CTTNBP2: variants seen among roughly 807,000 people sequenced by gnomAD.
CTTNBP2 encodes cortactin-binding protein 2.
A neutral mutation model predicts 156.9 loss-of-function variants in CTTNBP2; 108 were observed. The ratio of observed to expected loss-of-function variants is 0.69; its 90% CI spans 0.59 to 0.81. The LOEUF (loss-of-function observed/expected upper bound fraction) is 0.81, where lower values mean the gene tolerates loss of function less well. Ranked by LOEUF, CTTNBP2 falls within the 30% of genes least tolerant of loss-of-function variation. The pLI, the probability that CTTNBP2 is intolerant of heterozygous loss-of-function variation, is 0.00. For synonymous variants in CTTNBP2, 767 were observed against 751.8 expected, an observed-to-expected ratio of 1.02 and a Z score of -0.33; for missense variants, 1,924 against 2,035.4, an observed-to-expected ratio of 0.95 and a Z score of 1.05.
chr7:117,719,707 C>T, intron 20 of CTTNBP2, 71 bp from the exon 21 acceptor site: 1 of 1,343,916 alleles, frequency 7.4e-7, no homozygotes, highest in Non-Finnish European at 1.0e-6. Flanking sequence ...AGACACTGTA[C>T]CTTTTTTGGG....
Position 117,796,598 on chromosome 7 carries a change from T to C in CTTNBP2, c.415-3817A>G, listed in dbSNP as rs144004547. 2.6e-3 allele frequency among the ~76,000 whole-genome samples: 395 copies of C among 152,362 alleles called. 6 individuals are homozygous for C. The highest frequency in any genetic ancestry group is 9.2e-3 in the African/African-American group (382 of 41,594). On this transcript the variant is annotated intron_variant, in intron 3 of 22. Coordinates refer to ENST00000160373, the MANE Select transcript of CTTNBP2 (RefSeq NM_033427.3). ...GTATGATCCTAATTATGTTATTTTATGGTTTTAAATAAGACAACACGTGTA... is the reference window on the plus strand; with the variant it reads ...GTATGATCCTAATTATGTTATTTTACGGTTTTAAATAAGACAACACGTGTA...
chr7:117,792,943 A>G lies in CTTNBP2; in HGVS notation c.415-162T>C, dbSNP rs1799116283. On this transcript the variant is annotated intron_variant, in intron 3 of 22. Transcript: ENST00000160373. The surrounding 1 kb of genome is among the most constrained non-coding windows in gnomAD (Gnocchi z 4.2). ...AGTGTTGTGATAAGAAATATTTTAA[A>G]GACACATTAAAATGAGAAAATAGAC... Among the ~76,000 whole-genome samples, 1 of 152,246 alleles carries G rather than the reference A, an allele frequency of 6.6e-6. No homozygotes were observed. The highest frequency in any genetic ancestry group is 6.5e-5 in the Admixed American group (1 of 15,292).
chr7:117,873,251 C>G, intron 1 of CTTNBP2, 84 bp downstream of exon 1: 1 of 1,077,658 alleles, frequency 9.3e-7, no homozygotes, highest in Non-Finnish European at 1.2e-6. Context: ...CCCGGGGGTG[C>G]GAAGTCGGGT....
intron 9 of CTTNBP2, among the ~76,000 whole-genome samples, chr7:117,762,602 T>C (rs550001593): frequency 6.6e-6 from 1 of 152,214 alleles, no homozygotes; most frequent in South Asian, 2.1e-4. Flanking sequence ...ACCATATGCA[T>C]GTACTAACAG....
intron 8 of CTTNBP2, among the ~76,000 whole-genome samples, chr7:117,768,766 G>C (rs1253900508): frequency 3.3e-5 from 5 of 152,088 alleles, no homozygotes; most frequent in Non-Finnish European, 7.4e-5. Context: ...TTAGAGATTG[G>C]TTTGGTCTAT....
At chr7:117,754,504 C>A (rs1479182163) in intron 12 of CTTNBP2, among the ~76,000 whole-genome samples, 1 of 152,112 alleles carries the variant, frequency 6.6e-6, no homozygotes, top group Non-Finnish European at 1.5e-5. Context: ...AAGAGGCTCT[C>A]AATAAACAGT....
rs1584918727 is a variant in CTTNBP2, at chr7:117,735,081, A to G, written c.3708T>C (p.Cys1236=). The part of the protein sequence containing the change: ...TFQKGNGLSE[C]YYFHENCFLM... ...GAAAGCAGTTCTCATGAAAGTAATA[A>G]CATTCGGACAGTCCATTTCCTGAAA... is the stretch of plus-strand genomic sequence containing the variant. The change falls in exon 16 of 23, where the codon TGT becomes TGC. Residue 1236 remains cysteine (C), a synonymous_variant. Coordinates refer to ENST00000160373, the MANE Select transcript of CTTNBP2 (RefSeq NM_033427.3). 1.9e-6 allele frequency: 3 copies of G among 1,613,010 alleles called. No homozygotes were observed. The highest frequency in any genetic ancestry group is 2.5e-6 in the Non-Finnish European group (3 of 1,179,186).
chr7:117,826,869 A>G (rs865992234), intron 2 of CTTNBP2, among the ~76,000 whole-genome samples: 37 of 135,428 alleles, frequency 2.7e-4, no homozygotes, highest in African/African-American at 1.1e-3. Context: ...TATTATTATT[A>G]TTATTATTTT....
At chr7:117,746,808 A>C (rs1796356633) in intron 12 of CTTNBP2, among the ~76,000 whole-genome samples, 1 of 152,168 alleles carries the variant, frequency 6.6e-6, no homozygotes, top group Non-Finnish European at 1.5e-5. Flanking sequence ...GTAGAGATGG[A>C]TTACTTTCGC....
At chr7:117,745,631 G>C (rs865866976) in intron 14 of CTTNBP2, among the ~76,000 whole-genome samples, 200 bp downstream of exon 14, 1 of 96,486 alleles carries the variant, frequency 1.0e-5, no homozygotes, top group Non-Finnish European at 1.9e-5. Context: ...ATAACAAAAA[G>C]AAGAAAAAAA....
chr7:117,866,097 A>T (rs900452008), intron 1 of CTTNBP2, among the ~76,000 whole-genome samples: 4 of 151,944 alleles, frequency 2.6e-5, no homozygotes, highest in Non-Finnish European at 5.9e-5. Flanking sequence ...GGCATTCTTC[A>T]GGATTTTTTC....
chr7:117,730,384 C>G (rs1033238353), intron 16 of CTTNBP2, among the ~76,000 whole-genome samples: 3 of 152,142 alleles, frequency 2.0e-5, no homozygotes, highest in Admixed American at 2.0e-4. Flanking sequence ...CACATATTAG[C>G]CACCTGTTTA....
At position 117,817,361 on chromosome 7, in the gene CTTNBP2, A is replaced by ATAAATATATATATATAT. The variant is rs1298639361; in HGVS notation, c.190-6373_190-6372insATATATATATATATTTA. Among the ~76,000 whole-genome samples, 51 of 53,310 alleles carry ATAAATATATATATATAT rather than the reference A, an allele frequency of 9.6e-4. 1 individual carries two copies. Among genetic ancestry groups the ATAAATATATATATATAT allele is most frequent in the African/African-American group, 2.2e-3 (30 of 13,412 alleles). 35.0% of individuals were successfully genotyped at this position (53,310 alleles called of 152,430 possible). A position where few individuals can be genotyped will look rare whatever the true frequency, so the allele number is the denominator to read the frequency against. ...AAAAAAAAAAAAAAAAAAAAAAAAA[A>ATAAATATATATATATAT]ATATATATATATATATATATATATA... is the stretch of plus-strand genomic sequence containing the variant. On this transcript the variant is annotated intron_variant, in intron 2 of 22. Coordinates refer to ENST00000160373, the MANE Select transcript of CTTNBP2 (RefSeq NM_033427.3).
At chr7:117,758,559 TC>T (rs1562978647) in intron 10 of CTTNBP2, among the ~76,000 whole-genome samples, 1 of 152,198 alleles carries the variant, frequency 6.6e-6, no homozygotes, top group African/African-American at 2.4e-5. Context: ...TTTTTTCATC[TC>T]TTCCTTCCAC....
Position 117,791,937 on chromosome 7 carries a change from G to A in CTTNBP2, c.1259C>T (p.Ser420Leu), listed in dbSNP as rs1037574597. The change falls in exon 4 of 23, where the codon TCG (serine) becomes TTG (leucine). Residue 420 changes from serine (S) to leucine (L), a missense_variant. By Grantham distance (145) the Ser-to-Leu change is moderately radical. Transcript: ENST00000160373. ...AQTPGIAPQN[S>L]QAPPMHSLHS... ...TAAACTGTGCATAGGTGGAGCTTGC[G>A]AGTTCTGAGGAGCTATGCCTGGTGT... 5 of 1,614,040 alleles carry A rather than the reference G, an allele frequency of 3.1e-6. No individual in the cohort carries two copies. Among genetic ancestry groups the A allele is most frequent in the Admixed American group, 3.3e-5 (2 of 59,998 alleles).
At position 117,782,877 on chromosome 7, in the gene CTTNBP2, G is replaced by A; in HGVS notation, c.2357C>T (p.Ala786Val). The change falls in exon 6 of 23, where the codon GCT becomes GTT. Residue 786 changes from alanine to valine, a missense_variant. Physicochemically the swap from Ala to Val is moderately conservative, Grantham distance 64. Coordinates refer to ENST00000160373, the MANE Select transcript of CTTNBP2 (RefSeq NM_033427.3). ...NGFTPLCAAA[A>V]QGHFECVELL... ...AGCAACTTACTCGAAATGTCCCTGA[G>A]CAGCTGCAGCACACAAGGGTGTGAA... 3 of 1,613,184 alleles carry A rather than the reference G, an allele frequency of 1.9e-6. No individual in the cohort carries two copies. Among genetic ancestry groups the A allele is most frequent in the Non-Finnish European group, 2.5e-6 (3 of 1,179,314 alleles).
chr7:117,805,588 T>C (rs1209832376), intron 3 of CTTNBP2, among the ~76,000 whole-genome samples: 1 of 152,236 alleles, frequency 6.6e-6, no homozygotes, highest in Non-Finnish European at 1.5e-5. Flanking sequence ...GCGAGCTCAT[T>C]ACATCTCCGG....
chr7:117,808,015 T>C (rs1488484990), intron 3 of CTTNBP2, among the ~76,000 whole-genome samples: 1 of 152,224 alleles, frequency 6.6e-6, no homozygotes, highest in Non-Finnish European at 1.5e-5. Flanking sequence ...CCTATTTATA[T>C]TGCGCTGCCA....
rs556372208 is a variant in CTTNBP2 at position 117,743,761 on chromosome 7, CAAAAAAAAAAAAA to C, written c.3535+2057_3535+2069del. 3.1e-4 allele frequency among the ~76,000 whole-genome samples: 6 copies of C among 19,638 alleles called. 1 individual carries two copies. Among genetic ancestry groups the C allele is most frequent in the South Asian group, 3.4e-3 (1 of 296 alleles). 12.9% of individuals were successfully genotyped at this position (19,638 alleles called of 152,430 possible). A position where few individuals can be genotyped will look rare whatever the true frequency, so the allele number is the denominator to read the frequency against. On this transcript the variant is annotated intron_variant, in intron 14 of 22. Transcript: ENST00000160373. Reference sequence around the variant, plus strand: ...CTGGTGACAGAGTGAGACTCTGTCTCAAAAAAAAAAAAAAAAAAAAAAAAAAAAAAGAATAGGG... The same window carrying C: ...CTGGTGACAGAGTGAGACTCTGTCTCAAAAAAAAAAAAAAAAAGAATAGGG...
Sources: gnomAD v4.1 joint callset for allele counts (sites outside exome capture counted in the v4.1 genomes callset) on GRCh38, gnomAD v4.1.1 for gene constraint, Gnocchi (gnomAD v3.1) non-coding constraint, MANE v1.5 for transcripts, NCBI Gene and HGNC (gene_info 2026-07-23, HGNC 2026-07-21) for gene names.